Variants in FBF1 observed in about 807,000 individuals in gnomAD.
FBF1 encodes Fas binding factor 1, also known as fas-binding factor 1.
FBF1 carries 119 observed loss-of-function variants against 147.2 expected under a neutral mutation model. The observed-to-expected ratio is 0.81, with a 90% CI of 0.70 to 0.94. The LOEUF is 0.94. Among genes scored for constraint, FBF1 ranks in the 40% least tolerant of loss-of-function variants. FBF1 has a pLI of 0.00. For synonymous variants in FBF1, 601 were observed against 609.0 expected, an observed-to-expected ratio of 0.99 and a Z score of 0.19; for missense variants, 1,449 against 1,500.8, an observed-to-expected ratio of 0.97 and a Z score of 0.57.
chr17:75,915,225 C>T (rs573946573), intron 23 of FBF1, 86 bp from the exon 24 acceptor site: 7 of 1,491,428 alleles, frequency 4.7e-6, no homozygotes, highest in South Asian at 1.3e-5. Flanking sequence ...CATGAACCCA[C>T]CAGTGTCTCC....
Position 75,914,112 on chromosome 17 carries a change from CG to C in FBF1, c.2991+9del. 1 of 1,597,366 alleles carries C rather than the reference CG, an allele frequency of 6.3e-7. No individual in the cohort carries two copies. ...TCAGATGCGCCCACGCCCATGTGCCCGAGCAGCACCTTGCTCATGCTCTCCA... is the reference window on the plus strand; with the variant it reads ...TCAGATGCGCCCACGCCCATGTGCCCAGCAGCACCTTGCTCATGCTCTCCA... On this transcript the variant is annotated intron_variant, in intron 26 of 29. Transcript: ENST00000636174.
chr17:75,911,027 C>G (rs748433145), intron 29 of FBF1, among the ~76,000 whole-genome samples: 4 of 152,168 alleles, frequency 2.6e-5, no homozygotes, highest in Non-Finnish European at 5.9e-5. Context: ...GTGGAACTTA[C>G]GAGCACATGA....
intron 7 of FBF1, 44 bp downstream of exon 7, chr17:75,929,945 ACCCCACCC>A: frequency 1.5e-6 from 1 of 650,900 alleles, no homozygotes; most frequent in Non-Finnish European, 2.8e-6. Context: ...AAATATCATG[ACCCCACCC>A]CACCCACCCC....
chr17:75,914,198 C>G lies in FBF1; in HGVS notation c.2915G>C (p.Arg972Pro), dbSNP rs553617516. 1.3e-6 allele frequency: 2 copies of G among 1,594,388 alleles called. No individual in the cohort carries two copies. Among genetic ancestry groups the G allele is most frequent in the Non-Finnish European group, 8.5e-7 (1 of 1,172,988 alleles). Reference sequence around the variant, plus strand: ...GGCGTTGATCCTCTCCTTCTCCAGCCGCAGCTCCTGCCGCTCCTGCTCCAG... The same window carrying G: ...GGCGTTGATCCTCTCCTTCTCCAGCGGCAGCTCCTGCCGCTCCTGCTCCAG... ...AALEQERQELRLEKERINATA... is the reference protein window; with the variant it reads ...AALEQERQELPLEKERINATA... Residue 972 changes from arginine (R) to proline (P), a missense_variant, in exon 26 of 30, where the codon CGG becomes CCG. Arg to Pro is a moderately radical substitution (Grantham distance 103, BLOSUM62 -2). Transcript: ENST00000636174.
At position 75,915,060 on chromosome 17, in the gene FBF1, G is replaced by C; in HGVS notation, c.2585C>G (p.Ala862Gly). ...RALEEQRKVT[A>G]QQMAMERAEL... The stretch of plus-strand genomic sequence containing the variant: ...CGCCCTTTCCATGGCCATCTGCTGG[G>C]CCGTGACCTTCCTTTGCTCCTCTAG... The change falls in exon 24 of 30, where the codon GCC (alanine) becomes GGC (glycine). Residue 862 changes from alanine (A) to glycine (G), a missense_variant. Coordinates refer to ENST00000636174, the MANE Select transcript of FBF1 (RefSeq NM_001319193.2). 1 of 1,613,510 alleles carries C rather than the reference G, an allele frequency of 6.2e-7. No individual in the cohort carries two copies. The highest frequency in any genetic ancestry group is 8.5e-7 in the Non-Finnish European group (1 of 1,179,860).
At chr17:75,932,317 G>C (rs1432781530) in intron 5 of FBF1, among the ~76,000 whole-genome samples, 1 of 151,948 alleles carries the variant, frequency 6.6e-6, no homozygotes, top group Non-Finnish European at 1.5e-5. Flanking sequence ...GCAGAGGTTA[G>C]AGTGAGCCGA....
rs369282113 is a variant in FBF1 at position 75,926,076 on chromosome 17, C to T, written c.822G>A (p.Gly274=). 1 of 1,612,622 alleles carries T rather than the reference C, an allele frequency of 6.2e-7. No individual in the cohort carries two copies. Residue 274 remains glycine, a synonymous_variant, in exon 12 of 30, where the codon GGG becomes GGA. Transcript: ENST00000636174. ...ATKLLARPGT[G]EHREFKLDKK... ...TGTCTAGCTTGAACTCCCTGTGCTC[C>T]CCGGTGCCCGGGCGGGCCAGGAGTT... is the stretch of plus-strand genomic sequence containing the variant.
chr17:75,912,564 G>A (rs2065462620), intron 28 of FBF1, among the ~76,000 whole-genome samples: 1 of 152,190 alleles, frequency 6.6e-6, no homozygotes, highest in Non-Finnish European at 1.5e-5. Flanking sequence ...TGTCCACTGG[G>A]TAGTCTTTCT....
At position 75,915,138 on chromosome 17, in the gene FBF1, T is replaced by G; in HGVS notation, c.2507A>C (p.Glu836Ala). Reference protein sequence around the residue: ...LNEQSRLLEQERWRVTAEQSK... With the variant: ...LNEQSRLLEQARWRVTAEQSK... ...CTGCTCGGCAGTCACCCGCCAGCGT[T>G]CCTGTAGGGCCCAGGGCAGGACTGA... Residue 836 changes from glutamate (E) to alanine (A), a missense_variant and splice_region_variant, in exon 24 of 30, where the codon GAA becomes GCA. Glu to Ala is a moderately radical substitution (Grantham distance 107, BLOSUM62 -1). Coordinates refer to ENST00000636174, the MANE Select transcript of FBF1 (RefSeq NM_001319193.2). 1.9e-6 allele frequency: 3 copies of G among 1,609,016 alleles called. No individual in the cohort carries two copies. Among genetic ancestry groups the G allele is most frequent in the Non-Finnish European group, 1.7e-6 (2 of 1,179,362 alleles).
intron 4 of FBF1, among the ~76,000 whole-genome samples, chr17:75,934,268 T>G (rs932798792): frequency 6.6e-6 from 1 of 152,148 alleles, no homozygotes; most frequent in Non-Finnish European, 1.5e-5. Context: ...TTATGCTACA[T>G]CAGAGAAGCT....
chr17:75,936,191 G>A (rs1262425956), intron 3 of FBF1, among the ~76,000 whole-genome samples: 3 of 152,170 alleles, frequency 2.0e-5, no homozygotes, highest in African/African-American at 4.8e-5. Context: ...GCATGTGCCT[G>A]TAGTCCCAGG....
intron 6 of FBF1, 158 bp from the exon 7 acceptor site, chr17:75,930,205 C>T: frequency 1.6e-6 from 1 of 609,354 alleles, no homozygotes; most frequent in South Asian, 2.0e-5. Context: ...GCTTTGTTCC[C>T]CTTGCTTGGG....
chr17:75,909,785 G>C lies in FBF1; in HGVS notation c.*938C>G, dbSNP rs1389482348. ...TAATAAGAACATCTGCCTGTTCTTT[G>C]GGACTTGTCCAGCAAATAACAGGAA... is the stretch of plus-strand genomic sequence containing the variant. On this transcript the variant is annotated 3_prime_UTR_variant, in exon 30 of 30. Transcript: ENST00000636174. 1.6e-6 allele frequency: 1 copy of C among 636,326 alleles called. No homozygotes were observed. Among genetic ancestry groups the C allele is most frequent in the Non-Finnish European group, 2.9e-6 (1 of 349,278 alleles). 39.4% of individuals were successfully genotyped at this position (636,326 alleles called of 1,614,324 possible). A position where few individuals can be genotyped will look rare whatever the true frequency, so the allele number is the denominator to read the frequency against.
At chr17:75,914,627 C>A in intron 25 of FBF1, 120 bp downstream of exon 25, 1 of 1,064,764 alleles carries the variant, frequency 9.4e-7, no homozygotes, top group Non-Finnish European at 1.3e-6. Context: ...TGTTTTAATC[C>A]CTATGCTCTT....
rs1406570700 is a variant in FBF1, at chr17:75,922,707, G to T, written c.1424+479C>A. Among the ~76,000 whole-genome samples the T allele has an allele frequency of 6.6e-6, 1 of 152,162 alleles. No homozygotes were observed. Among genetic ancestry groups the T allele is most frequent in the Non-Finnish European group, 1.5e-5 (1 of 68,034 alleles). ...TCGCTATCCTGCCCCACGGATAAGG[G>T]CTTCTCCAAGAGGCGCCTCTCGGCC... On this transcript the variant is annotated intron_variant, in intron 14 of 29. Transcript: ENST00000636174. The surrounding 1 kb of genome is among the most constrained non-coding windows in gnomAD (Gnocchi z 5.0).
rs565671458 is a variant in FBF1, at chr17:75,931,687, G to C, written c.168-398C>G. 2.7e-3 allele frequency among the ~76,000 whole-genome samples: 406 copies of C among 152,140 alleles called. 1 individual carries two copies. The highest frequency in any genetic ancestry group is 9.1e-3 in the African/African-American group (376 of 41,510). ...TAATCCCAGCTACTCAGGAGGCTGAGGCAGGAGAATCACTTGAACCGGGAG... is the reference window on the plus strand; with the variant it reads ...TAATCCCAGCTACTCAGGAGGCTGACGCAGGAGAATCACTTGAACCGGGAG... On this transcript the variant is annotated intron_variant, in intron 5 of 29. Coordinates refer to ENST00000636174, the MANE Select transcript of FBF1 (RefSeq NM_001319193.2).
intron 6 of FBF1, among the ~76,000 whole-genome samples, chr17:75,930,544 G>C (rs1370485937): frequency 6.6e-6 from 1 of 152,208 alleles, no homozygotes; most frequent in East Asian, 1.9e-4. Context: ...TAGATCACTT[G>C]AGGTCAGGAG....
rs188948107 is a variant in FBF1, at chr17:75,926,190, C to G, written c.735-27G>C. ...TGCAGGACGGGACACACGGCAGGAA[C>G]GTGTAGGTATGAGGGGCTCTCGGGA... On this transcript the variant is annotated intron_variant, in intron 11 of 29. Coordinates refer to ENST00000636174, the MANE Select transcript of FBF1 (RefSeq NM_001319193.2). 6.2e-6 allele frequency: 10 copies of G among 1,605,038 alleles called. No individual in the cohort carries two copies. The East Asian group carries it at 2.0e-4, about 32-fold the overall frequency.
chr17:75,930,628 A>C (rs943602760), intron 6 of FBF1, among the ~76,000 whole-genome samples: 2 of 152,098 alleles, frequency 1.3e-5, no homozygotes, highest in Non-Finnish European at 2.9e-5. Flanking sequence ...TAAAAATACA[A>C]AAATTATTTT....
Sources: gnomAD v4.1 joint callset for allele counts (sites outside exome capture counted in the v4.1 genomes callset) on GRCh38, gnomAD v4.1.1 for gene constraint, Gnocchi (gnomAD v3.1) non-coding constraint, MANE v1.5 for transcripts, NCBI Gene and HGNC (gene_info 2026-07-23, HGNC 2026-07-21) for gene names.